The following B4GALNT3 variants were observed in gnomAD, a reference collection of about 807,000 sequenced individuals.
B4GALNT3 encodes the protein beta-1,4-N-acetyl-galactosaminyltransferase 3.
A neutral mutation model predicts 120.2 loss-of-function variants in B4GALNT3; 86 were observed. That is an observed-to-expected ratio of 0.72 (90% confidence interval 0.60 to 0.86). The LOEUF is 0.86. Among genes scored for constraint, B4GALNT3 ranks in the 40% least tolerant of loss-of-function variants. B4GALNT3 has a pLI of 0.00. For synonymous variants in B4GALNT3, 518 were observed against 510.4 expected, an observed-to-expected ratio of 1.01 and a Z score of -0.20; for missense variants, 1,167 against 1,298.9, an observed-to-expected ratio of 0.90 and a Z score of 1.56.
intron 1 of B4GALNT3, among the ~76,000 whole-genome samples, chr12:477,552 G>A (rs1946196532): frequency 6.6e-6 from 1 of 152,180 alleles, no homozygotes; most frequent in East Asian, 1.9e-4. Flanking sequence ...TTCCTTTGTT[G>A]CACACTCCCG....
chr12:528,014 G>A (rs1946773273), intron 1 of B4GALNT3, among the ~76,000 whole-genome samples: 1 of 151,892 alleles, frequency 6.6e-6, no homozygotes, highest in Admixed American at 6.6e-5. Context: ...TGACTCAGTG[G>A]GTACCTGACA....
At chr12:518,462 G>A (rs936113675) in intron 1 of B4GALNT3, among the ~76,000 whole-genome samples, 2 of 152,158 alleles carry the variant, frequency 1.3e-5, no homozygotes, top group African/African-American at 4.8e-5. Flanking sequence ...TCCCCAGGCT[G>A]GAGTGCAGTG....
At chr12:542,065 C>G (rs1244190866) in intron 3 of B4GALNT3, among the ~76,000 whole-genome samples, 1 of 152,116 alleles carries the variant, frequency 6.6e-6, no homozygotes, top group Non-Finnish European at 1.5e-5. Context: ...TTCCTTGAAG[C>G]CTTAACCCGC....
At chr12:542,549 T>C (rs1946929781) in intron 3 of B4GALNT3, among the ~76,000 whole-genome samples, 1 of 152,104 alleles carries the variant, frequency 6.6e-6, no homozygotes, top group African/African-American at 2.4e-5. Context: ...ACAGAAGCCC[T>C]GGGGGAGGGG....
chr12:531,760 G>A (rs1946810303), intron 1 of B4GALNT3, among the ~76,000 whole-genome samples: 1 of 152,118 alleles, frequency 6.6e-6, no homozygotes, highest in Admixed American at 6.5e-5. Flanking sequence ...CTCAAACTTG[G>A]AAATTTTTAG....
At position 553,288 on chromosome 12, in the gene B4GALNT3, A is replaced by G. The variant is rs770035686; in HGVS notation, c.1365A>G (p.Gly455=). The G allele has an allele frequency of 2.5e-6, 4 of 1,613,516 alleles. No individual in the cohort carries two copies. The South Asian group carries it at 3.3e-5, about 13-fold the overall frequency. ...ACCAGAATGCCAGGATGCTTGAGGG[A>G]AGACAGACACCTGCCTCCACCCTGG... ...SNNQNARMLE[G]RQTPASTLEQ... Residue 455 remains glycine (G), a synonymous_variant, in exon 14 of 20, where the codon GGA becomes GGG. Transcript: ENST00000266383.
chr12:549,436 T>C (rs1947049085), intron 9 of B4GALNT3, among the ~76,000 whole-genome samples: 1 of 152,264 alleles, frequency 6.6e-6, no homozygotes, highest in Admixed American at 6.5e-5. Flanking sequence ...TGGCTTATTA[T>C]TAAGTGCTCT....
chr12:484,184 G>C (rs1946267728), intron 1 of B4GALNT3, among the ~76,000 whole-genome samples: 1 of 152,202 alleles, frequency 6.6e-6, no homozygotes, highest in South Asian at 2.1e-4. Flanking sequence ...TTCACAGGCA[G>C]ACTGCCTCCC....
At chr12:555,995 G>T (rs1385448369) in intron 14 of B4GALNT3, among the ~76,000 whole-genome samples, 2 of 151,628 alleles carry the variant, frequency 1.3e-5, no homozygotes, top group African/African-American at 4.9e-5. Context: ...ATATTAGCCA[G>T]GCTGGTCTTG....
chr12:501,770 GGAA>G (rs1025843116), intron 1 of B4GALNT3, among the ~76,000 whole-genome samples: 4 of 152,160 alleles, frequency 2.6e-5, no homozygotes, highest in Non-Finnish European at 4.4e-5. Flanking sequence ...GTAGAGTCCA[GGAA>G]TCATTGTTTT....
intron 7 of B4GALNT3, 22 bp downstream of exon 7, chr12:546,735 C>A: frequency 1.9e-6 from 3 of 1,549,202 alleles, no homozygotes; most frequent in Non-Finnish European, 1.7e-6. Context: ...TCAGGACAGG[C>A]GCTGTGGGCG....
intron 1 of B4GALNT3, among the ~76,000 whole-genome samples, chr12:514,522 A>G (rs1411451655): frequency 6.6e-6 from 1 of 152,094 alleles, no homozygotes; most frequent in Non-Finnish European, 1.5e-5. Context: ...AAAGACTAAT[A>G]AATTCTATTA....
At chr12:480,282 G>A (rs1565589672) in intron 1 of B4GALNT3, among the ~76,000 whole-genome samples, 1 of 152,204 alleles carries the variant, frequency 6.6e-6, no homozygotes, top group Non-Finnish European at 1.5e-5. Flanking sequence ...TTTCTCTTAA[G>A]CATATGGTTA....
rs765893277 is a variant in B4GALNT3, at chr12:460,583, G to GGGCGGC, written c.169+48_169+53dup. On this transcript the variant is annotated intron_variant, in intron 1 of 19. Coordinates refer to ENST00000266383, the MANE Select transcript of B4GALNT3 (RefSeq NM_173593.4). This position sits in a 1 kb window ranked among gnomAD's most constrained non-coding sequence, Gnocchi z 8.0. ...CAGGGGAGGCGAAGGGCGCGGGGGT[G>GGGCGGC]GGCGGCGGCGGCGGCTCCTGCGTTG... is the stretch of plus-strand genomic sequence containing the variant. 68 of 1,337,270 alleles carry GGGCGGC rather than the reference G, an allele frequency of 5.1e-5. No homozygotes were observed. In the African/African-American group the frequency reaches 7.7e-4, roughly 15 times the overall value. 82.8% of individuals were successfully genotyped at this position (1,337,270 alleles called of 1,614,324 possible).
intron 1 of B4GALNT3, among the ~76,000 whole-genome samples, chr12:470,096 G>A (rs1946121045): frequency 6.6e-6 from 1 of 152,214 alleles, no homozygotes; most frequent in Admixed American, 6.5e-5. Context: ...GGAGTGAGAT[G>A]CTTCCTTGCA....
intron 15 of B4GALNT3, 85 bp from the exon 16 acceptor site, chr12:557,523 C>T (rs1947172012): frequency 1.4e-6 from 2 of 1,447,230 alleles, no homozygotes; most frequent in Non-Finnish European, 1.9e-6. Context: ...ACTCCTGACT[C>T]ACCTGGGAGC....
chr12:534,918 T>C (rs1175471150), intron 1 of B4GALNT3, among the ~76,000 whole-genome samples: 2 of 152,216 alleles, frequency 1.3e-5, no homozygotes, highest in African/African-American at 4.8e-5. Flanking sequence ...TCACCTGGAC[T>C]GGCTCCTTCT....
chr12:555,854 G>A (rs762815348), intron 14 of B4GALNT3, among the ~76,000 whole-genome samples: 8 of 151,648 alleles, frequency 5.3e-5, no homozygotes, highest in South Asian at 2.1e-4. Flanking sequence ...GCGCGATCTC[G>A]ACTCATGCAA....
At chr12:538,480 G>A (rs779011606) in intron 3 of B4GALNT3, among the ~76,000 whole-genome samples, 3 of 149,358 alleles carry the variant, frequency 2.0e-5, no homozygotes, top group Non-Finnish European at 4.4e-5. Context: ...GATTGCTTGA[G>A]TGTAGGCAGT....
Sources: gnomAD v4.1 joint callset for allele counts (sites outside exome capture counted in the v4.1 genomes callset) on GRCh38, gnomAD v4.1.1 for gene constraint, Gnocchi (gnomAD v3.1) non-coding constraint, MANE v1.5 for transcripts, NCBI Gene and HGNC (gene_info 2026-07-23, HGNC 2026-07-21) for gene names.